QTMAN: variants seen among roughly 807,000 people sequenced by gnomAD.
QTMAN encodes queuosine-tRNA mannosyltransferase, also known as tRNA-queuosine alpha-mannosyltransferase.
At chr2:144,208,478 C>G in the QTMAN span, 3 of 765,526 alleles carry the variant, frequency 3.9e-6, no homozygotes, top group Non-Finnish European at 6.3e-6. Context: ...AAAGAAATAT[C>G]TACTATAGTC....
At chr2:144,039,020 A>G in the QTMAN span, among the ~76,000 whole-genome samples, 1 of 152,108 alleles carries the variant, frequency 6.6e-6, no homozygotes. Context: ...GGACCAGGGA[A>G]ATTACTTAGT....
chr2:144,304,458 A>G, the QTMAN span, among the ~76,000 whole-genome samples: 1 of 152,184 alleles, frequency 6.6e-6, no homozygotes, highest in Non-Finnish European at 1.5e-5. Flanking sequence ...AAAAATTACC[A>G]GACATACAAA....
chr2:144,325,480 G>A, the QTMAN span, among the ~76,000 whole-genome samples: 5 of 150,108 alleles, frequency 3.3e-5, no homozygotes, highest in South Asian at 2.1e-4. Flanking sequence ...TCACAATCTC[G>A]TAAGCAGCTA....
chr2:144,252,371 C>T, the QTMAN span, among the ~76,000 whole-genome samples: 118 of 152,036 alleles, frequency 7.8e-4, 2 homozygotes, highest in East Asian at 0.02. Flanking sequence ...AGAGCAAGAC[C>T]CTGTGTCTTT....
At chr2:144,123,851 G>A in the QTMAN span, among the ~76,000 whole-genome samples, 5 of 152,010 alleles carry the variant, frequency 3.3e-5, no homozygotes, top group Non-Finnish European at 5.9e-5. Context: ...ATACCAGTGC[G>A]TAATAAGAGG....
At chr2:144,052,163 C>T in the QTMAN span, among the ~76,000 whole-genome samples, 2,406 of 152,124 alleles carry the variant, frequency 0.016, 33 homozygotes, top group Non-Finnish European at 0.026. Context: ...ATTCTGAGGA[C>T]GCTCAGGAGT....
At chr2:144,064,362 CT>C in the QTMAN span, among the ~76,000 whole-genome samples, 3 of 152,192 alleles carry the variant, frequency 2.0e-5, no homozygotes, top group Non-Finnish European at 4.4e-5. Context: ...TACATTCAAT[CT>C]GCATGGAAAG....
At chr2:144,159,035 G>A in the QTMAN span, among the ~76,000 whole-genome samples, 34 of 152,024 alleles carry the variant, frequency 2.2e-4, no homozygotes, top group Admixed American at 3.9e-4. Context: ...GCAAAAGATT[G>A]GTTGATTTGC....
At chr2:143,978,371 A>C in the QTMAN span, among the ~76,000 whole-genome samples, 1 of 152,166 alleles carries the variant, frequency 6.6e-6, no homozygotes, top group Non-Finnish European at 1.5e-5. Context: ...ATATTCACTA[A>C]ATCATTTTTT....
the QTMAN span, among the ~76,000 whole-genome samples, chr2:144,176,357 T>G: frequency 6.6e-6 from 1 of 152,120 alleles, no homozygotes; most frequent in African/African-American, 2.4e-5. Context: ...GAAGATGAAC[T>G]TTTTTTACTC....
chr2:144,094,169 T>G, the QTMAN span, among the ~76,000 whole-genome samples: 3 of 152,302 alleles, frequency 2.0e-5, no homozygotes, highest in African/African-American at 4.8e-5. Context: ...TGGTTTAGTT[T>G]TTCAAAAAAC....
At chr2:144,169,207 G>C in the QTMAN span, among the ~76,000 whole-genome samples, 1 of 152,092 alleles carries the variant, frequency 6.6e-6, no homozygotes, top group African/African-American at 2.4e-5. Flanking sequence ...AATGGTCCAA[G>C]CATCAGTAGT....
chr2:144,153,662 G>C, the QTMAN span, among the ~76,000 whole-genome samples: 1 of 152,150 alleles, frequency 6.6e-6, no homozygotes, highest in African/African-American at 2.4e-5. Flanking sequence ...CTGCACTCCA[G>C]CCTGGGCGAC....
At chr2:144,048,862 A>T in the QTMAN span, among the ~76,000 whole-genome samples, 26 of 152,192 alleles carry the variant, frequency 1.7e-4, no homozygotes, top group Non-Finnish European at 2.9e-4. Flanking sequence ...TCTGTGATAA[A>T]CATTTTCACA....
chr2:144,067,366 T>C, the QTMAN span, among the ~76,000 whole-genome samples: 1 of 152,236 alleles, frequency 6.6e-6, no homozygotes, highest in African/African-American at 2.4e-5. Flanking sequence ...TCATCTGATT[T>C]AGGAGAATCA....
chr2:144,037,261 C>A, the QTMAN span, among the ~76,000 whole-genome samples: 1 of 152,180 alleles, frequency 6.6e-6, no homozygotes, highest in African/African-American at 2.4e-5. Flanking sequence ...CCACTGAATT[C>A]TTTACTTTAA....
chr2:143,980,187 C>T, the QTMAN span, among the ~76,000 whole-genome samples: 2 of 152,084 alleles, frequency 1.3e-5, no homozygotes, highest in African/African-American at 4.8e-5. Context: ...TCCCTCCTCC[C>T]CCACCAACCC....
the QTMAN span, among the ~76,000 whole-genome samples, chr2:144,276,214 T>A: frequency 0.068 from 10,247 of 149,754 alleles, 423 homozygotes; most frequent in South Asian, 0.17. Flanking sequence ...TGGTTTTTTT[T>A]AAAAAAAAAA....
At chr2:144,223,813 G>A in the QTMAN span, among the ~76,000 whole-genome samples, 1 of 152,138 alleles carries the variant, frequency 6.6e-6, no homozygotes, top group Admixed American at 6.5e-5. Context: ...AGAATCCCAA[G>A]ATTTACCTTT....
Sources: gnomAD v4.1 joint callset for allele counts (sites outside exome capture counted in the v4.1 genomes callset) on GRCh38, gnomAD v4.1.1 for gene constraint, MANE v1.5 for transcripts, NCBI Gene and HGNC (gene_info 2026-07-23, HGNC 2026-07-21) for gene names.